The following GTF2H3 variants were observed in gnomAD, a reference collection of about 807,000 sequenced individuals.
The protein encoded by GTF2H3 is TFIIH basal transcription factor complex p34 subunit.
In GTF2H3, 42 loss-of-function variants were observed where a neutral mutation model predicts 51.1. The ratio of observed to expected loss-of-function variants is 0.82; its 90% CI spans 0.64 to 1.06. The LOEUF (loss-of-function observed/expected upper bound fraction) is 1.06, where lower values mean the gene tolerates loss of function less well. GTF2H3 is among the 50% of genes least tolerant of loss of function. The probability of loss-of-function intolerance (pLI) is 0.00; values close to 1 mark genes in which losing one functional copy is unlikely to be tolerated. For synonymous variants in GTF2H3, 123 were observed against 123.8 expected, an observed-to-expected ratio of 0.99 and a Z score of 0.04; for missense variants, 326 against 366.1, an observed-to-expected ratio of 0.89 and a Z score of 0.89.
chr12:123,638,630 T>G (rs2135778600), intron 1 of GTF2H3, among the ~76,000 whole-genome samples: 1 of 151,646 alleles, frequency 6.6e-6, no homozygotes, highest in Admixed American at 6.6e-5. Flanking sequence ...AGATATTTAT[T>G]GAGCAGCTGC....
intron 1 of GTF2H3, among the ~76,000 whole-genome samples, chr12:123,636,561 A>T (rs910871021): frequency 3.3e-5 from 5 of 152,246 alleles, no homozygotes; most frequent in African/African-American, 1.2e-4. Flanking sequence ...GGATCACTTG[A>T]GCCCAGGAGT....
At chr12:123,657,066 C>T (rs1473895109) in intron 9 of GTF2H3, among the ~76,000 whole-genome samples, 1 of 152,048 alleles carries the variant, frequency 6.6e-6, no homozygotes, top group Non-Finnish European at 1.5e-5. Flanking sequence ...CAGGGAAACC[C>T]TGTCTCCCTC....
chr12:123,656,874 T>G (rs1955593325), intron 9 of GTF2H3, among the ~76,000 whole-genome samples: 1 of 152,144 alleles, frequency 6.6e-6, no homozygotes, highest in African/African-American at 2.4e-5. Flanking sequence ...TGGCTTGAGC[T>G]CAGAAGTTTA....
intron 8 of GTF2H3, chr12:123,655,389 A>C: frequency 3.2e-6 from 1 of 316,840 alleles, no homozygotes; most frequent in Non-Finnish European, 5.8e-6. Context: ...TGAAATGTTC[A>C]GATGAAGTAT....
chr12:123,660,900 G>A lies in GTF2H3; in HGVS notation c.*665G>A, dbSNP rs1422716102. On this transcript the variant is annotated 3_prime_UTR_variant, in exon 13 of 13. Coordinates refer to ENST00000543341, the MANE Select transcript of GTF2H3 (RefSeq NM_001516.5). ...AAATAGTTGTGGGAAGAGCTTATATGTGAAAGCTTATGACTGGTTTTGAGG... is the reference window on the plus strand; with the variant it reads ...AAATAGTTGTGGGAAGAGCTTATATATGAAAGCTTATGACTGGTTTTGAGG... 1 of 152,182 alleles carries A rather than the reference G, an allele frequency of 6.6e-6. No homozygotes were observed. Among genetic ancestry groups the A allele is most frequent in the Admixed American group, 6.5e-5 (1 of 15,270 alleles). 9.4% of individuals were successfully genotyped at this position (152,182 alleles called of 1,614,324 possible).
chr12:123,634,277 C>CA (rs201234380), intron 1 of GTF2H3, among the ~76,000 whole-genome samples: 3 of 151,626 alleles, frequency 2.0e-5, no homozygotes, highest in Admixed American at 6.6e-5. Context: ...CCCATCTCTA[C>CA]AAAAAAAATG....
At chr12:123,656,548 A>G (rs1159118862) in intron 9 of GTF2H3, among the ~76,000 whole-genome samples, 1 of 152,074 alleles carries the variant, frequency 6.6e-6, no homozygotes, top group African/African-American at 2.4e-5. Context: ...TGAGTTCCAG[A>G]CTTGCAGAAT....
At chr12:123,652,816 ACCTGTTATCCCAG>A in intron 7 of GTF2H3, 81 bp downstream of exon 7, 3 of 1,305,060 alleles carry the variant, frequency 2.3e-6, no homozygotes. Context: ...GGTGGCTCAC[ACCTGTTATCCCAG>A]CACTTTGGGA....
chr12:123,649,981 A>G (rs1402240595), intron 4 of GTF2H3: 1 of 152,232 alleles, frequency 6.6e-6, no homozygotes, highest in Non-Finnish European at 1.5e-5. Context: ...CACTGGATCT[A>G]GGGAGGTCCT....
At chr12:123,654,108 G>A (rs1955553420) in intron 7 of GTF2H3, among the ~76,000 whole-genome samples, 1 of 152,024 alleles carries the variant, frequency 6.6e-6, no homozygotes. Context: ...TGTGTATTTT[G>A]GATGTGTGTG....
At chr12:123,643,736 T>C (rs1329132698) in intron 2 of GTF2H3, among the ~76,000 whole-genome samples, 1 of 152,244 alleles carries the variant, frequency 6.6e-6, no homozygotes, top group Non-Finnish European at 1.5e-5. Context: ...TTCCAGTTTG[T>C]AACTTGTTTT....
intron 7 of GTF2H3, among the ~76,000 whole-genome samples, chr12:123,653,680 G>C (rs1955548282): frequency 6.6e-6 from 1 of 151,742 alleles, no homozygotes; most frequent in Non-Finnish European, 1.5e-5. Flanking sequence ...CAAGTAACGA[G>C]ATATTCATTG....
chr12:123,635,095 C>T (rs1443777801), intron 1 of GTF2H3, among the ~76,000 whole-genome samples: 1 of 152,150 alleles, frequency 6.6e-6, no homozygotes, highest in Non-Finnish European at 1.5e-5. Flanking sequence ...TTGCTCCTGT[C>T]TACAAATGAG....
At chr12:123,634,605 A>G (rs1382728553) in intron 1 of GTF2H3, among the ~76,000 whole-genome samples, 1 of 152,204 alleles carries the variant, frequency 6.6e-6, no homozygotes, top group African/African-American at 2.4e-5. Context: ...GACTTGAATG[A>G]TTATGTGAAG....
At chr12:123,639,887 A>ATGCG (rs2135780108) in intron 2 of GTF2H3, 2 of 321,426 alleles carry the variant, frequency 6.2e-6, no homozygotes, top group Admixed American at 2.9e-5. Flanking sequence ...ACTTGTGTGT[A>ATGCG]TGCGTGCGTG....
chr12:123,655,684 CAT>C, intron 8 of GTF2H3, 85 bp from the exon 9 acceptor site: 3 of 784,370 alleles, frequency 3.8e-6, no homozygotes, highest in Non-Finnish European at 6.6e-6. Flanking sequence ...CTATTTTAAG[CAT>C]AGAGTATGGC....
rs114789469 is a variant in GTF2H3, at chr12:123,656,068, G to A, written c.615+244G>A. ...CAAAAACTGAATTTTACTTTAACCC[G>A]AAAGGGAAACAAAACCCTAAAGTAA... On this transcript the variant is annotated intron_variant, in intron 9 of 12. Coordinates refer to ENST00000543341, the MANE Select transcript of GTF2H3 (RefSeq NM_001516.5). The A allele has an allele frequency of 3.3e-4, 119 of 365,380 alleles. No homozygotes were observed. In the Middle Eastern group the frequency reaches 3.7e-3, roughly 11 times the overall value. The allele number at this position is 365,380 out of a possible 1,614,324, so 22.6% of individuals were successfully genotyped here.
chr12:123,654,949 C>T lies in GTF2H3; in HGVS notation c.512C>T (p.Ala171Val), dbSNP rs374279157. Residue 171 changes from alanine to valine, a missense_variant, in exon 8 of 13, where the codon GCG (alanine) becomes GTG (valine). Physicochemically the swap from Ala to Val is moderately conservative, Grantham distance 64. Transcript: ENST00000543341. Reference sequence around the variant, plus strand: ...GTGATTAAGGCTGCAGAAGACAGTGCGTTGCAGTATATGAACTTCATGAAT... The same window carrying T: ...GTGATTAAGGCTGCAGAAGACAGTGTGTTGCAGTATATGAACTTCATGAAT... ...ILVIKAAEDS[A>V]LQYMNFMNVI... 1.2e-5 allele frequency: 20 copies of T among 1,612,766 alleles called. No homozygotes were observed. Among genetic ancestry groups the T allele is most frequent in the East Asian group, 4.5e-5 (2 of 44,884 alleles).
Position 123,651,052 on chromosome 12 carries a change from T to A in GTF2H3, c.423T>A (p.Leu141=). ...TGGCAGGATCCCTGGCCAAAGCCCT[T>A]TGCTGTATCCTTGGTGTCTGAATCA... ...TLLAGSLAKA[L]CYIHRMNKEV... The change falls in exon 5 of 13, where the codon CTT becomes CTA. Residue 141 remains leucine, a synonymous_variant. Transcript: ENST00000543341. 6.2e-7 allele frequency: 1 copy of A among 1,609,518 alleles called. No homozygotes were observed. The highest frequency in any genetic ancestry group is 1.7e-4 in the Middle Eastern group (1 of 6,048).
Sources: allele counts gnomAD v4.1 joint callset (sites outside exome capture counted in the v4.1 genomes callset), GRCh38; gene constraint gnomAD v4.1.1; transcripts MANE v1.5; gene names NCBI Gene and HGNC (gene_info 2026-07-23, HGNC 2026-07-21).